The following TRMT10A variants were observed in gnomAD, a reference collection of about 807,000 sequenced individuals.
TRMT10A encodes tRNA methyltransferase 10A, also known as tRNA methyltransferase 10 homolog A.
TRMT10A carries 37 observed loss-of-function variants against 40.4 expected under a neutral mutation model. The ratio of observed to expected loss-of-function variants is 0.92; its 90% confidence interval spans 0.71 to 1.21. The LOEUF (loss-of-function observed/expected upper bound fraction) is 1.21, where lower values mean the gene tolerates loss of function less well. Among genes scored for constraint, TRMT10A ranks in the 50% most tolerant of loss-of-function variants. The pLI, the probability that TRMT10A is intolerant of heterozygous loss-of-function variation, is 0.00. For missense variants in TRMT10A, 388 were observed against 404.3 expected (o/e 0.96, Z 0.35); for synonymous variants, 103 against 134.1 (o/e 0.77, Z 1.60).
intron 1 of TRMT10A, 105 bp downstream of exon 1, chr4:99,563,808 C>T (rs1241523801): frequency 3.3e-6 from 2 of 612,334 alleles, no homozygotes; most frequent in Non-Finnish European, 6.1e-6. Context: ...CTCCCCTCTC[C>T]CCCGGAAGCC....
chr4:99,554,296 A>G (rs190536307), intron 5 of TRMT10A, among the ~76,000 whole-genome samples: 22 of 152,330 alleles, frequency 1.4e-4, no homozygotes, highest in Non-Finnish European at 3.2e-4. Flanking sequence ...ATATGGCAGT[A>G]ATCTACTTTT....
intron 1 of TRMT10A, among the ~76,000 whole-genome samples, chr4:99,561,053 G>A (rs1724370424): frequency 6.6e-6 from 1 of 150,892 alleles, no homozygotes; most frequent in African/African-American, 2.4e-5. Flanking sequence ...TGCAACCTCC[G>A]CCTCCCAGGT....
intron 1 of TRMT10A, among the ~76,000 whole-genome samples, 156 bp from the exon 2 acceptor site, chr4:99,559,517 A>T (rs900741630): frequency 2.0e-5 from 3 of 152,334 alleles, no homozygotes; most frequent in African/African-American, 7.2e-5. Flanking sequence ...TTTAATATCA[A>T]TTAAATATTC....
At chr4:99,558,895 G>A (rs1578213134) in intron 2 of TRMT10A, among the ~76,000 whole-genome samples, 2 of 152,208 alleles carry the variant, frequency 1.3e-5, no homozygotes, top group Admixed American at 1.3e-4. Context: ...AAAGTGTTGA[G>A]TGCAAGATCA....
At chr4:99,557,483 A>C in intron 3 of TRMT10A, 67 bp from the exon 4 acceptor site, 1 of 1,408,038 alleles carries the variant, frequency 7.1e-7, no homozygotes, top group Non-Finnish European at 1.0e-6. Flanking sequence ...ATGATCTTAA[A>C]GGAATGGAAT....
chr4:99,550,575 A>G (rs1357490345), intron 7 of TRMT10A, among the ~76,000 whole-genome samples: 1 of 152,230 alleles, frequency 6.6e-6, no homozygotes, highest in Non-Finnish European at 1.5e-5. Context: ...CATTGTATGT[A>G]ATATAGTGAA....
At chr4:99,549,540 C>G (rs1723882450) in intron 7 of TRMT10A, among the ~76,000 whole-genome samples, 184 bp from the exon 8 acceptor site, 1 of 152,096 alleles carries the variant, frequency 6.6e-6, no homozygotes, top group African/African-American at 2.4e-5. Context: ...AGTCTATTAC[C>G]TCCTATCTAG....
intron 6 of TRMT10A, among the ~76,000 whole-genome samples, chr4:99,551,734 A>C (rs939187395): frequency 6.6e-6 from 1 of 152,136 alleles, no homozygotes; most frequent in Admixed American, 6.6e-5. Flanking sequence ...TTCCAGAAGA[A>C]GGCACTGTTA....
At chr4:99,556,845 T>A (rs1439636023) in intron 4 of TRMT10A, among the ~76,000 whole-genome samples, 1 of 152,124 alleles carries the variant, frequency 6.6e-6, no homozygotes, top group Non-Finnish European at 1.5e-5. Flanking sequence ...ATGTTATTCT[T>A]AACAGTAGCC....
At chr4:99,557,236 AACAAGATTACCTGTAAG>A (rs1365808799) in intron 4 of TRMT10A, 92 bp downstream of exon 4, 11 of 1,114,764 alleles carry the variant, frequency 9.9e-6, no homozygotes, top group Non-Finnish European at 1.4e-5. Context: ...ATAGGCATTA[AACAAGATTACCTGTAAG>A]ACTACTGCAA....
At chr4:99,560,951 ATT>A (rs5860581) in intron 1 of TRMT10A, among the ~76,000 whole-genome samples, 90 of 139,626 alleles carry the variant, frequency 6.4e-4, no homozygotes, top group Admixed American at 6.4e-4. Context: ...CTATGTGAAG[ATT>A]TTTTTTTTTT....
chr4:99,556,215 G>A lies in TRMT10A; in HGVS notation c.426C>T (p.Tyr142=), dbSNP rs1426744951. 6.2e-7 allele frequency: 1 copy of A among 1,612,914 alleles called. No homozygotes were observed. Among genetic ancestry groups the A allele is most frequent in the Non-Finnish European group, 8.5e-7 (1 of 1,179,392 alleles). Residue 142 remains tyrosine, a synonymous_variant, in exon 5 of 8, where the codon TAC becomes TAT. Transcript: ENST00000394876. Reference sequence around the variant, plus strand: ...TCAGCTGGCCTCCGTGGCTTGTCAAGTAAAACTGATAAAAGATTTGTAAGT... The same window carrying A: ...TCAGCTGGCCTCCGTGGCTTGTCAAATAAAACTGATAAAAGATTTGTAAGT... ...NRRALHPVQF[Y]LTSHGGQLKK... is the part of the protein sequence containing the mutation.
intron 5 of TRMT10A, among the ~76,000 whole-genome samples, chr4:99,555,463 T>C (rs1268916364): frequency 6.6e-6 from 1 of 152,178 alleles, no homozygotes; most frequent in African/African-American, 2.4e-5. Context: ...GAGAACAATT[T>C]GGTCCAATAG....
At chr4:99,549,397 C>A in intron 7 of TRMT10A, 41 bp from the exon 8 acceptor site, 1 of 1,601,574 alleles carries the variant, frequency 6.2e-7, no homozygotes, top group Middle Eastern at 1.7e-4. Flanking sequence ...TAGCCAAGTT[C>A]ATCACAATGC....
Position 99,559,151 on chromosome 4 carries a change from T to C in TRMT10A, c.185+3A>G, listed in dbSNP as rs770408549. ...GAGAGCATATACATTTTGAAACACATACTTGCGGAGTTCCCGTTGCTCTTC... is the reference window on the plus strand; with the variant it reads ...GAGAGCATATACATTTTGAAACACACACTTGCGGAGTTCCCGTTGCTCTTC... On this transcript the variant is annotated splice_donor_region_variant and intron_variant, in intron 2 of 7. Transcript: ENST00000394876. 2 of 1,610,432 alleles carry C rather than the reference T, an allele frequency of 1.2e-6. No individual in the cohort carries two copies. Among genetic ancestry groups the C allele is most frequent in the Non-Finnish European group, 1.7e-6 (2 of 1,177,832 alleles).
Position 99,548,312 on chromosome 4 carries a change from T to A in TRMT10A, c.*776A>T, listed in dbSNP as rs930603913. On this transcript the variant is annotated 3_prime_UTR_variant, in exon 8 of 8. Transcript: ENST00000394876. ...AAAATATGGAAAAAAAAACCACAGC[T>A]GCTAAGAGCTGTTCCATTTTAAATG... 4 of 152,088 alleles carry A rather than the reference T, an allele frequency of 2.6e-5. No individual in the cohort carries two copies. Among genetic ancestry groups the A allele is most frequent in the Non-Finnish European group, 5.9e-5 (4 of 67,968 alleles). 9.4% of individuals were successfully genotyped at this position (152,088 alleles called of 1,614,324 possible). A position where few individuals can be genotyped will look rare whatever the true frequency, so the allele number is the denominator to read the frequency against.
intron 6 of TRMT10A, 133 bp downstream of exon 6, chr4:99,553,652 G>T: frequency 1.2e-6 from 1 of 812,322 alleles, no homozygotes; most frequent in Non-Finnish European, 1.9e-6. Flanking sequence ...ACTTTGCTTA[G>T]CTCAGAAGGT....
Position 99,554,066 on chromosome 4 carries a change from C to T in TRMT10A, c.496-132G>A, listed in dbSNP as rs557345436. ...AACAAAGTTTGAAATAATATAATTA[C>T]AATGCATTATTTTGAATTTACTACA... On this transcript the variant is annotated intron_variant, in intron 5 of 7. Transcript: ENST00000394876. The T allele has an allele frequency of 7.8e-5, 67 of 863,590 alleles. No homozygotes were observed. In the African/African-American group the frequency reaches 1.0e-3, roughly 13 times the overall value. 53.5% of individuals were successfully genotyped at this position (863,590 alleles called of 1,614,324 possible).
chr4:99,546,925 AT>A lies in TRMT10A; in HGVS notation c.*2162del, dbSNP rs1723758145. ...ACTAGTTATATCAAAAGAGGTAGTA[AT>A]CTTCACCTTCTTGCCACCAACATCC... On this transcript the variant is annotated 3_prime_UTR_variant, in exon 8 of 8. Coordinates refer to ENST00000394876, the MANE Select transcript of TRMT10A (RefSeq NM_001134665.3). 1 of 152,080 alleles carries A rather than the reference AT, an allele frequency of 6.6e-6. No individual in the cohort carries two copies. The highest frequency in any genetic ancestry group is 1.5e-5 in the Non-Finnish European group (1 of 68,002). 9.4% of individuals were successfully genotyped at this position (152,080 alleles called of 1,614,324 possible).
Sources: gnomAD v4.1 joint callset for allele counts (sites outside exome capture counted in the v4.1 genomes callset) on GRCh38, gnomAD v4.1.1 for gene constraint, MANE v1.5 for transcripts, NCBI Gene and HGNC (gene_info 2026-07-23, HGNC 2026-07-21) for gene names.